The following PCDH15 variants were observed in gnomAD, a reference collection of about 807,000 sequenced individuals.
PCDH15 encodes the protein protocadherin related 15.
PCDH15 carries 129 observed loss-of-function variants against 178.5 expected under a neutral mutation model. The ratio of observed to expected loss-of-function variants is 0.72; its 90% CI spans 0.63 to 0.84. The LOEUF is 0.84. Among genes scored for constraint, PCDH15 ranks in the 40% least tolerant of loss-of-function variants. The probability of loss-of-function intolerance (pLI) is 0.00; values close to 1 mark genes in which losing one functional copy is unlikely to be tolerated. For synonymous variants in PCDH15, 800 were observed against 732.0 expected (o/e 1.09, Z -1.50); for missense variants, 2,230 against 2,099.9 (o/e 1.06, Z -1.21).
chr10:55,235,452 T>C (rs1164812516), intron 1 of PCDH15, among the ~76,000 whole-genome samples: 1 of 152,154 alleles, frequency 6.6e-6, no homozygotes, highest in Non-Finnish European at 1.5e-5. Flanking sequence ...TCTACTTTTC[T>C]TAAAGTCCAT....
chr10:54,465,480 T>G (rs2077456357), intron 3 of PCDH15, among the ~76,000 whole-genome samples: 1 of 152,044 alleles, frequency 6.6e-6, no homozygotes, highest in Non-Finnish European at 1.5e-5. Context: ...CCACATATAG[T>G]GAGAACATGT....
intron 2 of PCDH15, among the ~76,000 whole-genome samples, chr10:55,353,805 G>A (rs945143158): frequency 1.3e-5 from 2 of 152,008 alleles, no homozygotes; most frequent in Non-Finnish European, 2.9e-5. Context: ...AAATATCTAC[G>A]ATTGCAGGAG....
intron 14 of PCDH15, among the ~76,000 whole-genome samples, chr10:54,133,826 C>T (rs1186900447): frequency 6.6e-6 from 1 of 151,616 alleles, no homozygotes; most frequent in Non-Finnish European, 1.5e-5. Flanking sequence ...AAGGTTAGCC[C>T]TCTATCGTGA....
intron 1 of PCDH15, among the ~76,000 whole-genome samples, chr10:54,723,125 A>T (rs895444980): frequency 2.0e-5 from 3 of 151,816 alleles, no homozygotes; most frequent in Admixed American, 6.6e-5. Context: ...TAGAGGAATC[A>T]CATTGTGTGA....
At chr10:54,437,092 G>C (rs2075470531) in intron 3 of PCDH15, among the ~76,000 whole-genome samples, 1 of 152,096 alleles carries the variant, frequency 6.6e-6, no homozygotes, top group African/African-American at 2.4e-5. Context: ...ATTGAGGAGG[G>C]GAGCCCTAAA....
rs868259159 is a variant in PCDH15, at chr10:55,341,766, T to C, written c.-155-175115A>G. ...TTTTGTATATACATACATATGCATA[T>C]ATATATATATATATATATATATATA... On this transcript the variant is annotated intron_variant, in intron 2 of 5. Transcript: ENST00000613346. 6.3e-3 allele frequency among the ~76,000 whole-genome samples: 95 copies of C among 15,026 alleles called. 1 individual carries two copies. The highest frequency in any genetic ancestry group is 0.019 in the African/African-American group (85 of 4,458). 9.9% of individuals were successfully genotyped at this position (15,026 alleles called of 152,430 possible).
intron 2 of PCDH15, among the ~76,000 whole-genome samples, chr10:55,577,732 A>C (rs1216695672): frequency 6.6e-6 from 1 of 152,164 alleles, no homozygotes; most frequent in Non-Finnish European, 1.5e-5. Flanking sequence ...TCTAATGTTA[A>C]ATTCACCTTG....
chr10:54,598,561 C>T (rs886950591), intron 2 of PCDH15, among the ~76,000 whole-genome samples: 1 of 151,938 alleles, frequency 6.6e-6, no homozygotes, highest in Non-Finnish European at 1.5e-5. Flanking sequence ...TGAAAACCAG[C>T]ACCAAAAAAA....
chr10:55,062,051 A>G (rs1480289033), intron 2 of PCDH15, among the ~76,000 whole-genome samples: 1 of 152,152 alleles, frequency 6.6e-6, no homozygotes, highest in Non-Finnish European at 1.5e-5. Context: ...TAAACAAAAG[A>G]TAAAAAAGAA....
chr10:55,205,849 T>C (rs1228855794), intron 1 of PCDH15, among the ~76,000 whole-genome samples: 1 of 152,048 alleles, frequency 6.6e-6, no homozygotes, highest in Non-Finnish European at 1.5e-5. Context: ...CGGTTCCACA[T>C]GGCTGGGGAG....
intron 2 of PCDH15, among the ~76,000 whole-genome samples, chr10:55,563,108 C>T (rs937986426): frequency 1.3e-5 from 2 of 151,856 alleles, no homozygotes; most frequent in African/African-American, 4.8e-5. Flanking sequence ...CAAAAAGGAC[C>T]ACATCCTTCG....
At chr10:55,080,248 T>C (rs1356816486) in intron 2 of PCDH15, among the ~76,000 whole-genome samples, 1 of 152,118 alleles carries the variant, frequency 6.6e-6, no homozygotes, top group Admixed American at 6.5e-5. Flanking sequence ...AACAGACTAG[T>C]AAGCATTACC....
At chr10:54,745,692 TG>T (rs1310856292) in intron 1 of PCDH15, among the ~76,000 whole-genome samples, 4 of 152,072 alleles carry the variant, frequency 2.6e-5, no homozygotes, top group African/African-American at 9.7e-5. Flanking sequence ...TGTTAAAGAA[TG>T]GGGGAGGGTA....
intron 2 of PCDH15, among the ~76,000 whole-genome samples, chr10:55,563,493 A>C (rs2132101644): frequency 6.6e-6 from 1 of 151,978 alleles, no homozygotes; most frequent in East Asian, 2.0e-4. Context: ...AATAACAAAA[A>C]CAGCAAGCCC....
chr10:54,470,065 C>T (rs1224219603), intron 3 of PCDH15, among the ~76,000 whole-genome samples: 1 of 152,074 alleles, frequency 6.6e-6, no homozygotes, highest in South Asian at 2.1e-4. Context: ...CCCTCAGCCC[C>T]CCGGTAGTGT....
At chr10:55,227,450 G>A (rs574902038) in intron 1 of PCDH15, among the ~76,000 whole-genome samples, 1 of 47,562 alleles carries the variant, frequency 2.1e-5, no homozygotes, top group African/African-American at 8.3e-5. Flanking sequence ...AGAAACATAG[G>A]ATCTTAAGGT....
rs549761040 is a variant in PCDH15 at position 54,742,691 on chromosome 10, C to T, written c.-29+58234G>A. 2.6e-5 allele frequency among the ~76,000 whole-genome samples: 4 copies of T among 152,030 alleles called. No homozygotes were observed. In the East Asian group the frequency reaches 5.8e-4, roughly 22 times the overall value. On this transcript the variant is annotated intron_variant, in intron 1 of 37. Transcript: ENST00000644397. ...GTGAAGTCGGGACATGTTCTTTCTT[C>T]AAAAGCTTTTCTTTAAGGCCTGCAT...
chr10:55,311,089 A>G (rs774948533), intron 1 of PCDH15, among the ~76,000 whole-genome samples: 9 of 152,200 alleles, frequency 5.9e-5, no homozygotes, highest in Non-Finnish European at 1.3e-4. Context: ...GTATTATTTT[A>G]TGGTGTGTTA....
intron 2 of PCDH15, among the ~76,000 whole-genome samples, chr10:55,403,083 T>A (rs1299116764): frequency 1.3e-5 from 2 of 151,952 alleles, no homozygotes; most frequent in Non-Finnish European, 2.9e-5. Flanking sequence ...TGATGTTGAC[T>A]GTTAACGGAT....
Sources: gnomAD v4.1 joint callset for allele counts (sites outside exome capture counted in the v4.1 genomes callset) on GRCh38, gnomAD v4.1.1 for gene constraint, MANE v1.5 for transcripts, NCBI Gene and HGNC (gene_info 2026-07-23, HGNC 2026-07-21) for gene names.